The following ERH variants were observed in gnomAD, a reference collection of about 807,000 sequenced individuals.
ERH encodes enhancer of rudimentary homolog.
A neutral mutation model predicts 16.8 loss-of-function variants in ERH; 1 was observed. The ratio of observed to expected loss-of-function variants is 0.06; its 90% CI spans 0.02 to 0.28. ERH has a LOEUF of 0.28. ERH is among the 10% of genes least tolerant of loss of function. The pLI, the probability that ERH is intolerant of heterozygous loss-of-function variation, is 1.00. For synonymous variants in ERH, 43 were observed against 43.6 expected, an observed-to-expected ratio of 0.99 and a Z score of 0.05; for missense variants, 42 against 127.5, an observed-to-expected ratio of 0.33 and a Z score of 3.23.
intron 1 of ERH, among the ~76,000 whole-genome samples, chr14:69,397,317 G>A (rs145223542): frequency 1.3e-5 from 2 of 152,248 alleles, no homozygotes; most frequent in African/African-American, 2.4e-5. Context: ...CATCCCGGTT[G>A]GGTTCTAATA....
intron 1 of ERH, chr14:69,397,925 A>C: frequency 1.8e-6 from 1 of 551,988 alleles, no homozygotes; most frequent in South Asian, 2.1e-5. Flanking sequence ...ATCTCAAAAA[A>C]CAAAACACCT....
At chr14:69,396,844 C>T (rs527916913) in intron 1 of ERH, among the ~76,000 whole-genome samples, 144 of 152,332 alleles carry the variant, frequency 9.5e-4, no homozygotes, top group Middle Eastern at 3.4e-3. Context: ...CAGAAAGCAT[C>T]ATATTAGATT....
At chr14:69,392,366 G>A (rs1036093523) in intron 2 of ERH, among the ~76,000 whole-genome samples, 2 of 152,124 alleles carry the variant, frequency 1.3e-5, no homozygotes, top group Admixed American at 1.3e-4. Context: ...GTCATGAAAA[G>A]ACATGGGGGA....
intron 3 of ERH, among the ~76,000 whole-genome samples, chr14:69,381,939 C>A (rs1407445193): frequency 6.6e-6 from 1 of 152,254 alleles, no homozygotes; most frequent in African/African-American, 2.4e-5. Flanking sequence ...GATCCAGCCG[C>A]CTCGGCCGCC....
chr14:69,387,304 C>A (rs1199449759), intron 2 of ERH, among the ~76,000 whole-genome samples: 2 of 152,096 alleles, frequency 1.3e-5, no homozygotes, highest in Non-Finnish European at 2.9e-5. Context: ...CGCCTGTAAT[C>A]CCAGCTCTTT....
chr14:69,380,674 T>C (rs2140226724), intron 3 of ERH, 34 bp from the exon 4 acceptor site: 2 of 1,273,194 alleles, frequency 1.6e-6, no homozygotes, highest in East Asian at 4.7e-5. Flanking sequence ...AAAGTCACAG[T>C]GGTCAATCAC....
intron 2 of ERH, among the ~76,000 whole-genome samples, chr14:69,389,907 C>A (rs144591199): frequency 6.6e-6 from 1 of 151,876 alleles, no homozygotes; most frequent in African/African-American, 2.4e-5. Context: ...TACAGGTACG[C>A]GCCACCATGC....
At chr14:69,394,938 A>AAT (rs1566901627) in intron 1 of ERH, 26 bp from the exon 2 acceptor site, 2 of 1,490,792 alleles carry the variant, frequency 1.3e-6, no homozygotes. Context: ...TGATTTCAAT[A>AAT]TAAGTTTCTA....
intron 2 of ERH, among the ~76,000 whole-genome samples, chr14:69,389,090 G>T (rs561964683): frequency 1.3e-5 from 2 of 151,712 alleles, no homozygotes; most frequent in East Asian, 1.9e-4. Flanking sequence ...GCACAATCTC[G>T]GCTCACTGCA....
chr14:69,387,695 C>CAAA (rs57516317), intron 2 of ERH, among the ~76,000 whole-genome samples: 1 of 113,400 alleles, frequency 8.8e-6, no homozygotes, highest in African/African-American at 3.6e-5. Context: ...AGCCACAGAG[C>CAAA]AAAAAAAAAA....
rs566031805 is a variant in ERH at position 69,381,118 on chromosome 14, C to T, written c.213-478G>A. On this transcript the variant is annotated intron_variant, in intron 3 of 3. Coordinates refer to ENST00000557016, the MANE Select transcript of ERH (RefSeq NM_004450.3). ...CCAACATGGTGAAACCTTGTCTCTA[C>T]TAAAATACAAAAATTAGCTGGGCAT... 8.5e-5 allele frequency among the ~76,000 whole-genome samples: 13 copies of T among 152,264 alleles called. No individual in the cohort carries two copies. The East Asian group carries it at 2.5e-3, about 29-fold the overall frequency.
chr14:69,395,820 A>C (rs530534296), intron 1 of ERH, among the ~76,000 whole-genome samples: 2 of 152,344 alleles, frequency 1.3e-5, no homozygotes, highest in African/African-American at 4.8e-5. Flanking sequence ...CCAAAATCAC[A>C]TATTAGAATC....
intron 3 of ERH, among the ~76,000 whole-genome samples, chr14:69,382,181 T>A (rs1283258507): frequency 1.3e-5 from 2 of 152,216 alleles, no homozygotes; most frequent in Admixed American, 1.3e-4. Flanking sequence ...TTTATACAAT[T>A]AACATCATAT....
chr14:69,390,116 T>C (rs1275869663), intron 2 of ERH, among the ~76,000 whole-genome samples: 1 of 152,026 alleles, frequency 6.6e-6, no homozygotes, highest in Non-Finnish European at 1.5e-5. Context: ...TGTTCATGAG[T>C]TGGAAGACCT....
At chr14:69,395,636 T>A (rs1454674039) in intron 1 of ERH, among the ~76,000 whole-genome samples, 1 of 152,238 alleles carries the variant, frequency 6.6e-6, no homozygotes, top group Non-Finnish European at 1.5e-5. Context: ...TGGTTTCAAC[T>A]TAAGCTTTTT....
chr14:69,397,389 A>G lies in ERH; in HGVS notation c.3+842T>C, dbSNP rs530450133. On this transcript the variant is annotated intron_variant, in intron 1 of 3. Transcript: ENST00000557016. ...CAGCCCCAAGAGGATATAAATACAG[A>G]TAAGTACAGGATCGAGGGCTGAGGG... Among the ~76,000 whole-genome samples, 6 of 152,084 alleles carry G rather than the reference A, an allele frequency of 3.9e-5. No individual in the cohort carries two copies. In the South Asian group the frequency reaches 1.0e-3, roughly 26 times the overall value.
Position 69,385,779 on chromosome 14 carries a change from A to C in ERH, c.212+1184T>G, listed in dbSNP as rs114604653. The stretch of plus-strand genomic sequence containing the variant: ...ACCACAACCGTTCTGGAAGTCACCA[A>C]AGACTTCCACAGTGTCAAATCCAGG... On this transcript the variant is annotated intron_variant, in intron 3 of 3. Coordinates refer to ENST00000557016, the MANE Select transcript of ERH (RefSeq NM_004450.3). Among the ~76,000 whole-genome samples, 477 of 152,278 alleles carry C rather than the reference A, an allele frequency of 3.1e-3. 4 individuals carry two copies. The highest frequency in any genetic ancestry group is 0.011 in the African/African-American group (463 of 41,562).
At chr14:69,394,972 A>T (rs1329230315) in intron 1 of ERH, 60 bp from the exon 2 acceptor site, 15 of 1,151,406 alleles carry the variant, frequency 1.3e-5, no homozygotes, top group East Asian at 2.4e-5. Context: ...TAGTATGATA[A>T]AAAAAAATCC....
chr14:69,382,773 T>C (rs2045870301), intron 3 of ERH, among the ~76,000 whole-genome samples: 1 of 145,308 alleles, frequency 6.9e-6, no homozygotes, highest in Non-Finnish European at 1.5e-5. Context: ...CTGGCGACAG[T>C]GCAAGACTCT....
Sources: allele counts gnomAD v4.1 joint callset (sites outside exome capture counted in the v4.1 genomes callset), GRCh38; gene constraint gnomAD v4.1.1; transcripts MANE v1.5; gene names NCBI Gene and HGNC (gene_info 2026-07-23, HGNC 2026-07-21).